The following CCDC174 variants were observed in gnomAD, a reference collection of about 807,000 sequenced individuals.
The protein encoded by CCDC174 is coiled-coil domain containing 174.
CCDC174 carries 37 observed loss-of-function variants against 57.1 expected under a neutral mutation model. The observed-to-expected ratio is 0.65, with a 90% CI of 0.50 to 0.85. The LOEUF (loss-of-function observed/expected upper bound fraction) is 0.85. CCDC174 is among the 40% of genes least tolerant of loss of function. The pLI is 0.00. For missense variants in CCDC174, 540 were observed against 574.3 expected, an observed-to-expected ratio of 0.94 and a Z score of 0.61; for synonymous variants, 182 against 190.2, an observed-to-expected ratio of 0.96 and a Z score of 0.35.
chr3:14,657,615 A>G (rs2030999174), intron 3 of CCDC174, among the ~76,000 whole-genome samples: 1 of 152,166 alleles, frequency 6.6e-6, no homozygotes, highest in Non-Finnish European at 1.5e-5. Flanking sequence ...CACTGCACCA[A>G]GTTTCATATC....
At chr3:14,652,188 C>T (rs2030793096) in intron 1 of CCDC174, among the ~76,000 whole-genome samples, 1 of 152,170 alleles carries the variant, frequency 6.6e-6, no homozygotes. Flanking sequence ...AGGACCTGCA[C>T]CTCGTCAGCC....
rs139171065 is a variant in CCDC174 at position 14,657,588 on chromosome 3, C to T, written c.249-1283C>T. Among the ~76,000 whole-genome samples, 995 of 152,302 alleles carry T rather than the reference C, an allele frequency of 6.5e-3. 10 individuals carry two copies. The highest frequency in any genetic ancestry group is 0.023 in the African/African-American group (954 of 41,560). ...ATCCATTTGTAGTCTGTTCCTAACCCCTGAAAACTGTTGCTACACTGCACC... is the reference window on the plus strand; with the variant it reads ...ATCCATTTGTAGTCTGTTCCTAACCTCTGAAAACTGTTGCTACACTGCACC... On this transcript the variant is annotated intron_variant, in intron 3 of 10. Coordinates refer to ENST00000383794, the MANE Select transcript of CCDC174 (RefSeq NM_016474.5).
At chr3:14,665,428 A>G (rs957410213) in intron 6 of CCDC174, among the ~76,000 whole-genome samples, 1 of 152,222 alleles carries the variant, frequency 6.6e-6, no homozygotes, top group Non-Finnish European at 1.5e-5. Flanking sequence ...TGTGGAGACA[A>G]GTGGTTTGAG....
chr3:14,664,378 A>G (rs1413841648), intron 5 of CCDC174, among the ~76,000 whole-genome samples: 1 of 152,128 alleles, frequency 6.6e-6, no homozygotes, highest in African/African-American at 2.4e-5. Flanking sequence ...TTTCATGAAC[A>G]TCTGTCCGTA....
At chr3:14,660,506 A>G (rs1307188935) in intron 4 of CCDC174, among the ~76,000 whole-genome samples, 2 of 119,548 alleles carry the variant, frequency 1.7e-5, no homozygotes, top group African/African-American at 5.1e-5. Context: ...TCAGATTCAG[A>G]AAAAGAAAAA....
intron 4 of CCDC174, among the ~76,000 whole-genome samples, chr3:14,660,432 A>C (rs1395804146): frequency 2.0e-5 from 3 of 152,236 alleles, no homozygotes; most frequent in Non-Finnish European, 4.4e-5. Flanking sequence ...TGAACCCGCG[A>C]GGCGGAGGTT....
rs1197160752 is a variant in CCDC174, at chr3:14,658,764, A to T, written c.249-107A>T. The T allele has an allele frequency of 8.2e-6, 10 of 1,225,604 alleles. No individual in the cohort carries two copies. In the East Asian group the frequency reaches 2.6e-4, roughly 32 times the overall value. 75.9% of individuals were successfully genotyped at this position (1,225,604 alleles called of 1,614,324 possible). Reference sequence around the variant, plus strand: ...CTGTGCTGGTTGTGGTTGTCTTGACAGGCTGGGCCTCATGGGCAGATGGTA... The same window carrying T: ...CTGTGCTGGTTGTGGTTGTCTTGACTGGCTGGGCCTCATGGGCAGATGGTA... On this transcript the variant is annotated intron_variant, in intron 3 of 10. Transcript: ENST00000383794.
At chr3:14,667,009 T>C (rs749262067) in intron 7 of CCDC174, 62 bp downstream of exon 7, 50 of 1,370,224 alleles carry the variant, frequency 3.6e-5, no homozygotes, top group Middle Eastern at 1.9e-4. Context: ...ATGGCAAACA[T>C]AAAGGGAAGT....
chr3:14,669,492 A>G (rs1360755865), intron 9 of CCDC174, among the ~76,000 whole-genome samples: 1 of 152,170 alleles, frequency 6.6e-6, no homozygotes, highest in Non-Finnish European at 1.5e-5. Flanking sequence ...TGAACAGCCT[A>G]CACCAGACCC....
At chr3:14,666,250 T>C (rs1001158688) in intron 6 of CCDC174, among the ~76,000 whole-genome samples, 2 of 151,822 alleles carry the variant, frequency 1.3e-5, no homozygotes, top group African/African-American at 4.8e-5. Flanking sequence ...AGGACCTGGG[T>C]GGAAGGAAAG....
Position 14,651,993 on chromosome 3 carries a change from C to T in CCDC174, c.42+115C>T, listed in dbSNP as rs978629134. On this transcript the variant is annotated intron_variant, in intron 1 of 10. Coordinates refer to ENST00000383794, the MANE Select transcript of CCDC174 (RefSeq NM_016474.5). ...GGGGACCCAGAGACCTGACCTCTCC[C>T]CTCAAACAGGAACCCCCGAACTGGA... is the stretch of plus-strand genomic sequence containing the variant. 31 of 1,014,326 alleles carry T rather than the reference C, an allele frequency of 3.1e-5. 2 individuals are homozygous for T. The East Asian group carries it at 5.7e-4, about 19-fold the overall frequency. 62.8% of individuals were successfully genotyped at this position (1,014,326 alleles called of 1,614,324 possible).
intron 6 of CCDC174, among the ~76,000 whole-genome samples, chr3:14,665,415 C>G (rs2031282444): frequency 6.6e-6 from 1 of 152,170 alleles, no homozygotes. Flanking sequence ...GCAAACCAGG[C>G]TTTGTGGAGA....
intron 5 of CCDC174, 133 bp from the exon 6 acceptor site, chr3:14,664,895 A>G: frequency 1.4e-6 from 1 of 696,550 alleles, no homozygotes; most frequent in Non-Finnish European, 2.6e-6. Flanking sequence ...TATCAGTGGT[A>G]GTGGTCTCTG....
At chr3:14,664,063 GAAGA>G (rs1269389393) in intron 5 of CCDC174, among the ~76,000 whole-genome samples, 4 of 152,160 alleles carry the variant, frequency 2.6e-5, no homozygotes, top group African/African-American at 7.2e-5. Flanking sequence ...GGAAAAAAAG[GAAGA>G]AAGAAACTGC....
intron 10 of CCDC174, 106 bp downstream of exon 10, chr3:14,670,192 GT>G: frequency 8.8e-7 from 1 of 1,142,186 alleles, no homozygotes; most frequent in Non-Finnish European, 1.2e-6. Context: ...GCCTTGTGTG[GT>G]TTTACAGCTT....
rs1357707639 is a variant in CCDC174, at chr3:14,672,167, C to T, written c.*973C>T. On this transcript the variant is annotated 3_prime_UTR_variant, in exon 11 of 11. Coordinates refer to ENST00000383794, the MANE Select transcript of CCDC174 (RefSeq NM_016474.5). ...GCAGTTGAGAGTTGATGACCAGGCCCATAGGGCTCCCACAGCTGGTTCCCA... is the reference window on the plus strand; with the variant it reads ...GCAGTTGAGAGTTGATGACCAGGCCTATAGGGCTCCCACAGCTGGTTCCCA... The T allele has an allele frequency of 6.6e-6, 1 of 152,436 alleles. No individual in the cohort carries two copies. The highest frequency in any genetic ancestry group is 1.5e-5 in the Non-Finnish European group (1 of 68,196). The allele number at this position is 152,436 out of a possible 1,614,324, so 9.4% of individuals were successfully genotyped here.
chr3:14,658,293 A>C (rs2031024789), intron 3 of CCDC174, among the ~76,000 whole-genome samples: 1 of 152,258 alleles, frequency 6.6e-6, no homozygotes, highest in Non-Finnish European at 1.5e-5. Flanking sequence ...TGTGTAAAAT[A>C]AAAGAGGAAT....
chr3:14,661,772 A>G (rs1273158187), intron 5 of CCDC174, 65 bp downstream of exon 5: 5 of 1,438,634 alleles, frequency 3.5e-6, no homozygotes, highest in Non-Finnish European at 4.7e-6. Context: ...TTTGGGAGTG[A>G]TTTTGTTGGG....
chr3:14,665,801 C>T (rs919396605), intron 6 of CCDC174, among the ~76,000 whole-genome samples: 1 of 151,400 alleles, frequency 6.6e-6, no homozygotes, highest in African/African-American at 2.4e-5. Context: ...GAGGCCGAGG[C>T]GGGCGGATCA....
Sources: allele counts gnomAD v4.1 joint callset (sites outside exome capture counted in the v4.1 genomes callset), GRCh38; gene constraint gnomAD v4.1.1; transcripts MANE v1.5; gene names NCBI Gene and HGNC (gene_info 2026-07-23, HGNC 2026-07-21).